The following NUTM2E variants were observed in gnomAD, a reference collection of about 807,000 sequenced individuals.
The protein encoded by NUTM2E is family with sequence similarity 22, member E.
A neutral mutation model predicts 26.1 loss-of-function variants in NUTM2E; 3 were observed. The ratio of observed to expected loss-of-function variants is 0.12; its 90% CI spans 0.05 to 0.30. The LOEUF is 0.30. Among genes scored for constraint, NUTM2E ranks in the 10% least tolerant of loss-of-function variants. The pLI is 1.00. For missense variants in NUTM2E, 62 were observed against 381.3 expected (o/e 0.16, Z 6.97); for synonymous variants, 13 against 157.5 (o/e 0.08, Z 6.87).
rs578258365 is a variant in NUTM2E at position 79,838,993 on chromosome 10, G to A, written c.-2236G>A. Among the ~76,000 whole-genome samples, 1 of 149,560 alleles carries A rather than the reference G, an allele frequency of 6.7e-6. No individual in the cohort carries two copies. The highest frequency in any genetic ancestry group is 2.0e-4 in the East Asian group (1 of 4,950). ...GCCCTAGGAGGGCCCCGCTGGAGAT[G>A]TGGAAATGGAGGGACGCGGCACCTG... On this transcript the variant is annotated 5_prime_UTR_variant, in exon 3 of 10. The change creates a new upstream start codon in the 5' untranslated region. Coordinates refer to ENST00000429984, the MANE Select transcript of NUTM2E (RefSeq NM_001355263.2).
At chr10:79,831,166 A>G (rs1841925068) in intron 1 of NUTM2E, among the ~76,000 whole-genome samples, 1 of 151,828 alleles carries the variant, frequency 6.6e-6, no homozygotes, top group Non-Finnish European at 1.5e-5. Context: ...GAATGAAGAG[A>G]ATAAGTGAAT....
intron 1 of NUTM2E, among the ~76,000 whole-genome samples, chr10:79,828,971 A>C (rs1841909269): frequency 6.6e-6 from 1 of 151,818 alleles, no homozygotes; most frequent in Non-Finnish European, 1.5e-5. Flanking sequence ...AATATGGATA[A>C]ATTTTGACCA....
Position 79,826,916 on chromosome 10 carries a change from G to T in NUTM2E, c.-3169G>T, listed in dbSNP as rs1841885598. 6.6e-6 allele frequency: 1 copy of T among 150,938 alleles called. No homozygotes were observed. The highest frequency in any genetic ancestry group is 6.6e-5 in the Admixed American group (1 of 15,126). 9.3% of individuals were successfully genotyped at this position (150,938 alleles called of 1,614,324 possible). A position where few individuals can be genotyped will look rare whatever the true frequency, so the allele number is the denominator to read the frequency against. On this transcript the variant is annotated 5_prime_UTR_variant, in exon 1 of 10. Coordinates refer to ENST00000429984, the MANE Select transcript of NUTM2E (RefSeq NM_001355263.2). ...GACGCAGCTCGGGATCCGGGTCGGGGTGTCGGCCGGGTTGCTGCCGGGCAC... is the reference window on the plus strand; with the variant it reads ...GACGCAGCTCGGGATCCGGGTCGGGTTGTCGGCCGGGTTGCTGCCGGGCAC...
chr10:79,828,770 A>G (rs1167330842), intron 1 of NUTM2E, among the ~76,000 whole-genome samples: 1 of 151,754 alleles, frequency 6.6e-6, no homozygotes, highest in Non-Finnish European at 1.5e-5. Flanking sequence ...TGAGTTTTTC[A>G]TTTCTAATAC....
Position 79,826,868 on chromosome 10 carries a change from GACGGGCCCGC to G in NUTM2E, c.-3216_-3207del, listed in dbSNP as rs1564739555. ...GAGCCCGTCGGGAGTCGTAGTCCCG[GACGGGCCCGC>G]GGCATCGTCCGCGACGCAGCTCGGG... On this transcript the variant is annotated 5_prime_UTR_variant, in exon 1 of 10. Coordinates refer to ENST00000429984, the MANE Select transcript of NUTM2E (RefSeq NM_001355263.2). The G allele has an allele frequency of 6.6e-6, 1 of 151,364 alleles. No individual in the cohort carries two copies. The highest frequency in any genetic ancestry group is 2.0e-4 in the East Asian group (1 of 5,110). The allele number at this position is 151,364 out of a possible 1,614,324, so 9.4% of individuals were successfully genotyped here.
At chr10:79,827,784 GTTTTTTTTTTGTTT>G (rs199558653) in intron 1 of NUTM2E, among the ~76,000 whole-genome samples, 6,877 of 102,670 alleles carry the variant, frequency 0.067, 410 homozygotes, top group East Asian at 0.26. Flanking sequence ...TTATTTAGTG[GTTTTTTTTTTGTTT>G]TTTTTTTTTT....
At chr10:79,835,561 A>C (rs959938796) in intron 1 of NUTM2E, among the ~76,000 whole-genome samples, 2 of 102,990 alleles carry the variant, frequency 1.9e-5, no homozygotes, top group African/African-American at 7.0e-5. Context: ...TAGTGTCTAT[A>C]TTGTTTACAT....
At chr10:79,832,396 T>C (rs4097131) in intron 1 of NUTM2E, among the ~76,000 whole-genome samples, 104,856 of 150,648 alleles carry the variant, frequency 0.7, 37,031 homozygotes, top group East Asian at 0.77. Flanking sequence ...TAAGAAAATA[T>C]TCTATTGATC....
chr10:79,830,116 A>G (rs892136349), intron 1 of NUTM2E, among the ~76,000 whole-genome samples: 2 of 151,702 alleles, frequency 1.3e-5, no homozygotes, highest in African/African-American at 4.8e-5. Context: ...AAGTAAAAAA[A>G]TCTTAACATT....
chr10:79,827,734 T>G (rs1841895116), intron 1 of NUTM2E: 1 of 151,588 alleles, frequency 6.6e-6, no homozygotes, highest in African/African-American at 2.4e-5. Flanking sequence ...TATTTTTTTT[T>G]TAATTTTCTG....
At chr10:79,831,954 A>C (rs1222317144) in intron 1 of NUTM2E, among the ~76,000 whole-genome samples, 6 of 152,054 alleles carry the variant, frequency 3.9e-5, no homozygotes, top group African/African-American at 1.4e-4. Context: ...CCAGTGACTG[A>C]TGAGGGCCTG....
At chr10:79,837,256 G>C in intron 1 of NUTM2E, among the ~76,000 whole-genome samples, 1 of 151,972 alleles carries the variant, frequency 6.6e-6, no homozygotes, top group Admixed American at 6.6e-5. Flanking sequence ...TATTTTGAGA[G>C]CTAATGTAGA....
At chr10:79,839,510 A>T (rs530762515) in intron 3 of NUTM2E, among the ~76,000 whole-genome samples, 118 bp from the exon 4 acceptor site, 1 of 151,776 alleles carries the variant, frequency 6.6e-6, no homozygotes, top group South Asian at 2.1e-4. Context: ...TGACTCTGCA[A>T]CACAGTGCAG....
rs1032021356 is a variant in NUTM2E, at chr10:79,838,945, C to T, written c.-2284C>T. Among the ~76,000 whole-genome samples the T allele has an allele frequency of 6.1e-5, 9 of 148,636 alleles. No homozygotes were observed. The highest frequency in any genetic ancestry group is 2.0e-4 in the East Asian group (1 of 4,940). ...GCCCGCCTCAAGGCTCCTGCGGCGGCGCACAGGGCAGGCCAGGAGCCCGCC... is the reference window on the plus strand; with the variant it reads ...GCCCGCCTCAAGGCTCCTGCGGCGGTGCACAGGGCAGGCCAGGAGCCCGCC... On this transcript the variant is annotated 5_prime_UTR_variant, in exon 3 of 10. Transcript: ENST00000429984.
At chr10:79,836,904 C>G (rs981166670) in intron 1 of NUTM2E, among the ~76,000 whole-genome samples, 7 of 151,916 alleles carry the variant, frequency 4.6e-5, no homozygotes, top group Non-Finnish European at 1.0e-4. Flanking sequence ...AACTTTATTA[C>G]CCTTATCTAT....
intron 1 of NUTM2E, among the ~76,000 whole-genome samples, chr10:79,828,274 A>T (rs1031408748): frequency 3.9e-5 from 6 of 151,940 alleles, no homozygotes; most frequent in Non-Finnish European, 1.5e-5. Context: ...CTAAAACCGC[A>T]TGGGATTACT....
In NUTM2E at chr10:79,827,155, C is replaced by T. The variant is rs1400098130; in HGVS notation, c.-2930C>T. The T allele has an allele frequency of 1.3e-5, 2 of 152,908 alleles. No homozygotes were observed. The highest frequency in any genetic ancestry group is 2.9e-5 in the Non-Finnish European group (2 of 67,876). 9.5% of individuals were successfully genotyped at this position (152,908 alleles called of 1,614,324 possible). ...GGCCAGCCTCTTGATGCACCGGGGA[C>T]GGGCGCGCCCATCCGACTCTTCGAG... On this transcript the variant is annotated 5_prime_UTR_variant, in exon 1 of 10. It adds an upstream start codon to the 5' untranslated region. Transcript: ENST00000429984.
At chr10:79,828,822 A>G (rs922215591) in intron 1 of NUTM2E, among the ~76,000 whole-genome samples, 1 of 151,864 alleles carries the variant, frequency 6.6e-6, no homozygotes. Context: ...TGCTGTAATA[A>G]TCGATGGGAT....
In NUTM2E at chr10:79,830,472, T is replaced by C. The variant is rs1185019920; in HGVS notation, c.-2728+3115T>C. On this transcript the variant is annotated intron_variant, in intron 1 of 9. Transcript: ENST00000429984. Reference sequence around the variant, plus strand: ...TCTGTAAAAACACGTAAAATAACTTTCAAAGATGAAAATTTTACATATGTA... The same window carrying C: ...TCTGTAAAAACACGTAAAATAACTTCCAAAGATGAAAATTTTACATATGTA... Among the ~76,000 whole-genome samples, 3 of 151,740 alleles carry C rather than the reference T, an allele frequency of 2.0e-5. No individual in the cohort carries two copies. The South Asian group carries it at 6.3e-4, about 32-fold the overall frequency.
Sources: allele counts gnomAD v4.1 joint callset (sites outside exome capture counted in the v4.1 genomes callset), GRCh38; gene constraint gnomAD v4.1.1; transcripts MANE v1.5; gene names NCBI Gene and HGNC (gene_info 2026-07-23, HGNC 2026-07-21).